Variants in ELFN1 observed in about 807,000 individuals in gnomAD.
ELFN1 encodes extracellular leucine rich repeat and fibronectin type III domain containing 1, also known as protein ELFN1.
A neutral mutation model predicts 7.6 loss-of-function variants in ELFN1; 6 were observed. The ratio of observed to expected loss-of-function variants is 0.79; its 90% CI spans 0.43 to 1.56. The LOEUF (loss-of-function observed/expected upper bound fraction) is 1.56. Among genes scored for constraint, ELFN1 ranks in the 40% most tolerant of loss-of-function variants. The pLI is 0.01. For synonymous variants in ELFN1, 657 were observed against 588.1 expected, an observed-to-expected ratio of 1.12 and a Z score of -1.70; for missense variants, 1,169 against 1,232.2, an observed-to-expected ratio of 0.95 and a Z score of 0.77.
At chr7:1,697,242 TCACGC>T (rs1156518813) in intron 2 of ELFN1, among the ~76,000 whole-genome samples, 2 of 152,168 alleles carry the variant, frequency 1.3e-5, no homozygotes, top group Non-Finnish European at 2.9e-5. Context: ...GGGGAGGGTC[TCACGC>T]CCATATTCCC....
chr7:1,734,344 C>T (rs1055386431), intron 3 of ELFN1, among the ~76,000 whole-genome samples: 1 of 152,224 alleles, frequency 6.6e-6, no homozygotes, highest in Non-Finnish European at 1.5e-5. Context: ...AGTGATTTCT[C>T]CCTCCAACGG....
chr7:1,666,707 C>CG (rs1778676604), upstream of ELFN1, among the ~76,000 whole-genome samples: 1 of 151,648 alleles, frequency 6.6e-6, no homozygotes, highest in South Asian at 2.1e-4. The surrounding 1 kb of genome is among the most constrained non-coding windows in gnomAD (Gnocchi z 7.9). Context: ...GAACCACAGA[C>CG]GAACCCCTCT....
At chr7:1,690,753 G>A (rs974801456) in intron 2 of ELFN1, among the ~76,000 whole-genome samples, 1 of 149,114 alleles carries the variant, frequency 6.7e-6, no homozygotes, top group Non-Finnish European at 1.5e-5. Flanking sequence ...GAATGGATAG[G>A]TGGGTGGGTG....
intron 2 of ELFN1, among the ~76,000 whole-genome samples, chr7:1,689,313 A>T (rs1237991256): frequency 3.9e-5 from 6 of 152,248 alleles, no homozygotes; most frequent in Admixed American, 6.5e-5. Flanking sequence ...TAATTTCAGC[A>T]TTGCACAGGC....
chr7:1,706,053 C>T (rs941693570), intron 2 of ELFN1, among the ~76,000 whole-genome samples: 11 of 152,176 alleles, frequency 7.2e-5, no homozygotes, highest in Admixed American at 7.2e-4. Flanking sequence ...CGCTGAGCTG[C>T]CAGCCTAGCC....
chr7:1,699,512 A>G (rs1779383380), intron 2 of ELFN1, among the ~76,000 whole-genome samples: 1 of 152,102 alleles, frequency 6.6e-6, no homozygotes, highest in African/African-American at 2.4e-5. Context: ...ACAGTGACAC[A>G]TACCTGTGGG....
intron 3 of ELFN1, among the ~76,000 whole-genome samples, chr7:1,742,951 C>T (rs958881470): frequency 5.3e-5 from 8 of 152,254 alleles, no homozygotes; most frequent in East Asian, 1.9e-4. Flanking sequence ...CGCCAGGCCA[C>T]GGCTCGGTGA....
intron 3 of ELFN1, among the ~76,000 whole-genome samples, chr7:1,711,575 TGA>T (rs55658122): frequency 0.088 from 7,730 of 87,450 alleles, 234 homozygotes; most frequent in East Asian, 0.17. Flanking sequence ...AGCGAGAGAG[TGA>T]GAGAGAGAGA....
Position 1,744,838 on chromosome 7 carries a change from G to T in ELFN1, c.242G>T (p.Ser81Ile). The change falls in exon 4 of 4, where the codon AGC becomes ATC. Residue 81 changes from serine (S) to isoleucine (I), a missense_variant. Ser to Ile is a moderately radical substitution (Grantham distance 142). Coordinates refer to ENST00000424383, the MANE Select transcript of ELFN1 (RefSeq NM_001128636.4). ...CGCAGCGTGCAGTACGCCTCGCTCAGCCGCTTTGGCAACCTCACGTACCTC... is the reference window on the plus strand; with the variant it reads ...CGCAGCGTGCAGTACGCCTCGCTCATCCGCTTTGGCAACCTCACGTACCTC... Reference protein sequence around the residue: ...RIRSVQYASLSRFGNLTYLNL... With the variant: ...RIRSVQYASLIRFGNLTYLNL... The T allele has an allele frequency of 6.4e-7, 1 of 1,573,958 alleles. No individual in the cohort carries two copies. The highest frequency in any genetic ancestry group is 1.2e-5 in the South Asian group (1 of 85,862).
intron 2 of ELFN1, among the ~76,000 whole-genome samples, chr7:1,700,773 C>T (rs770638929): frequency 6.6e-6 from 1 of 152,252 alleles, no homozygotes; most frequent in African/African-American, 2.4e-5. Context: ...AGCGCCAGAT[C>T]TGATGAGATG....
intron 3 of ELFN1, among the ~76,000 whole-genome samples, chr7:1,720,290 CG>C (rs1323789500): frequency 6.6e-6 from 1 of 152,170 alleles, no homozygotes; most frequent in Non-Finnish European, 1.5e-5. Context: ...TGGGAACAGC[CG>C]GTGGGCAGAC....
Position 1,709,669 on chromosome 7 carries a change from G to A in ELFN1, c.-294+417G>A, listed in dbSNP as rs1041478984. Among the ~76,000 whole-genome samples, 45 of 152,240 alleles carry A rather than the reference G, an allele frequency of 3.0e-4. 1 individual carries two copies. Among genetic ancestry groups the A allele is most frequent in the Admixed American group, 2.6e-3 (39 of 15,288 alleles). Reference sequence around the variant, plus strand: ...CGTAAAACCACTATGTGAATAACACGGCATAGGTCACGTAGGTTAATATTG... The same window carrying A: ...CGTAAAACCACTATGTGAATAACACAGCATAGGTCACGTAGGTTAATATTG... On this transcript the variant is annotated intron_variant, in intron 3 of 3. Coordinates refer to ENST00000424383, the MANE Select transcript of ELFN1 (RefSeq NM_001128636.4).
At chr7:1,715,834 C>T (rs946108243) in intron 3 of ELFN1, among the ~76,000 whole-genome samples, 6 of 152,216 alleles carry the variant, frequency 3.9e-5, no homozygotes, top group Non-Finnish European at 5.9e-5. Context: ...AGGCTGCCTC[C>T]GGCCCCAGTT....
intron 3 of ELFN1, 113 bp from the exon 4 acceptor site, chr7:1,744,191 C>T (rs923596324): frequency 9.3e-6 from 2 of 215,116 alleles, no homozygotes; most frequent in East Asian, 1.1e-4. Context: ...GGGGGCTCAG[C>T]GGAGCAGGGA....
intron 3 of ELFN1, among the ~76,000 whole-genome samples, chr7:1,724,996 C>T (rs1780146653): frequency 6.6e-6 from 1 of 152,256 alleles, no homozygotes; most frequent in Non-Finnish European, 1.5e-5. Flanking sequence ...CCTGGCGAGG[C>T]CCCTGTGGGG....
chr7:1,746,844 T>C lies in ELFN1; in HGVS notation c.2248T>C (p.Tyr750His), dbSNP rs754932894. 4.6e-6 allele frequency: 7 copies of C among 1,537,738 alleles called. No individual in the cohort carries two copies. In the South Asian group the frequency reaches 8.5e-5, roughly 19 times the overall value. The change falls in exon 4 of 4, where the codon TAC (tyrosine) becomes CAC (histidine). Residue 750 changes from tyrosine (Y) to histidine (H), a missense_variant. By Grantham distance (83) the Tyr-to-His change is moderately conservative. Coordinates refer to ENST00000424383, the MANE Select transcript of ELFN1 (RefSeq NM_001128636.4). ...CCGGCCGCGGCCCCGCGACCTCGCC[T>C]ACTCGCAGCTGTCCCCGCAGTACCA... ...LTRPRPRDLA[Y>H]SQLSPQYHSL...
rs1167628216 is a variant in ELFN1 at position 1,746,041 on chromosome 7, C to G, written c.1445C>G (p.Pro482Arg). ...GAGCTGGAGGCGCCCGGCCTGGCCC[C>G]GCTGTCCCAGGGCCCGCTGCTGGGC... ...GPELEAPGLAPLSQGPLLGPE... is the reference protein window; with the variant it reads ...GPELEAPGLARLSQGPLLGPE... The change falls in exon 4 of 4, where the codon CCG (proline) becomes CGG (arginine). Residue 482 changes from proline to arginine, a missense_variant. Physicochemically the swap from Pro to Arg is moderately radical, Grantham distance 103 (BLOSUM62 -2). Around this residue, in one of 2 missense-constraint regions of ELFN1, gnomAD observed 914 missense variants for 872.6 expected, o/e 1.05. Coordinates refer to ENST00000424383, the MANE Select transcript of ELFN1 (RefSeq NM_001128636.4). The G allele has an allele frequency of 1.3e-6, 2 of 1,546,224 alleles. No homozygotes were observed. The highest frequency in any genetic ancestry group is 2.0e-5 in the Admixed American group (1 of 50,806).
chr7:1,705,100 A>G lies in ELFN1; in HGVS notation c.-455-3991A>G, dbSNP rs1249888079. On this transcript the variant is annotated intron_variant, in intron 2 of 3. Transcript: ENST00000424383. The surrounding 1 kb of genome is among the most constrained non-coding windows in gnomAD (Gnocchi z 4.3). ...CGTACTGGAGAACAGAGGGACACCCAGTGGCCAAAGGGCAGAGCCCGCAGG... is the reference window on the plus strand; with the variant it reads ...CGTACTGGAGAACAGAGGGACACCCGGTGGCCAAAGGGCAGAGCCCGCAGG... Among the ~76,000 whole-genome samples, 1 of 152,024 alleles carries G rather than the reference A, an allele frequency of 6.6e-6. No homozygotes were observed. The highest frequency in any genetic ancestry group is 2.4e-5 in the African/African-American group (1 of 41,388).
intron 1 of ELFN1, among the ~76,000 whole-genome samples, chr7:1,682,828 T>C (rs972169408): frequency 6.6e-6 from 1 of 152,324 alleles, no homozygotes; most frequent in Admixed American, 6.5e-5. Context: ...CACCATATGA[T>C]GGGAACTGTG....
Sources: allele counts gnomAD v4.1 joint callset (sites outside exome capture counted in the v4.1 genomes callset), GRCh38; gene constraint gnomAD v4.1.1; regional missense constraint gnomAD v4.1.1; non-coding constraint Gnocchi (gnomAD v3.1); transcripts MANE v1.5; gene names NCBI Gene and HGNC (gene_info 2026-07-23, HGNC 2026-07-21).